TMOD3: variants seen among roughly 807,000 people sequenced by gnomAD.
TMOD3 encodes the protein tropomodulin-3.
Under a neutral mutation model 39.2 loss-of-function variants are expected in TMOD3, and 20 were observed. That is an observed-to-expected ratio of 0.51 (90% confidence interval 0.36 to 0.74). The LOEUF (loss-of-function observed/expected upper bound fraction) is 0.74, where lower values mean the gene tolerates loss of function less well. Among genes scored for constraint, TMOD3 ranks in the 30% least tolerant of loss-of-function variants. The pLI, the probability that TMOD3 is intolerant of heterozygous loss-of-function variation, is 0.00. For missense variants in TMOD3, 381 were observed against 412.8 expected (o/e 0.92, Z 0.67); for synonymous variants, 143 against 145.8 (o/e 0.98, Z 0.14).
At chr15:51,894,555 T>A (rs576109461) in intron 6 of TMOD3, among the ~76,000 whole-genome samples, 17 of 152,318 alleles carry the variant, frequency 1.1e-4, no homozygotes, top group African/African-American at 4.1e-4. Flanking sequence ...AAAAGTTCTC[T>A]CATACCCCTT....
chr15:51,837,159 G>C (rs1316006308), intron 1 of TMOD3, among the ~76,000 whole-genome samples: 12 of 152,082 alleles, frequency 7.9e-5, no homozygotes, highest in Admixed American at 5.2e-4. Context: ...GATATTATTA[G>C]TGATACTTAT....
intron 1 of TMOD3, among the ~76,000 whole-genome samples, chr15:51,858,868 G>A (rs1403520183): frequency 4.6e-5 from 7 of 152,090 alleles, no homozygotes; most frequent in African/African-American, 1.7e-4. Context: ...TCTCTTTCCT[G>A]GAATTAGAGA....
At chr15:51,830,102 C>T (rs946666781) in intron 1 of TMOD3, among the ~76,000 whole-genome samples, 4 of 152,106 alleles carry the variant, frequency 2.6e-5, no homozygotes, top group African/African-American at 7.2e-5. Context: ...ACCCGCGGCC[C>T]GGGCGCCCGG....
chr15:51,906,985 AC>A (rs1166099638), intron 9 of TMOD3, among the ~76,000 whole-genome samples: 1 of 147,080 alleles, frequency 6.8e-6, no homozygotes, highest in Non-Finnish European at 1.5e-5. Context: ...GCGCCATTGC[AC>A]TCCAGCCTGG....
chr15:51,861,963 GAGAC>G (rs1325628948), intron 1 of TMOD3, among the ~76,000 whole-genome samples: 3 of 152,142 alleles, frequency 2.0e-5, no homozygotes, highest in Non-Finnish European at 2.9e-5. Flanking sequence ...TATATTTTAT[GAGAC>G]AGACAGTTCA....
intron 2 of TMOD3, among the ~76,000 whole-genome samples, chr15:51,864,036 C>T (rs999061693): frequency 2.6e-5 from 4 of 151,926 alleles, no homozygotes; most frequent in African/African-American, 7.3e-5. Context: ...GAGGCCGAGG[C>T]GGGTGGATCA....
chr15:51,836,061 C>T (rs2056281281), intron 1 of TMOD3, among the ~76,000 whole-genome samples: 1 of 152,150 alleles, frequency 6.6e-6, no homozygotes, highest in African/African-American at 2.4e-5. Context: ...GACAGGATTA[C>T]CTTTCTGTGG....
intron 2 of TMOD3, among the ~76,000 whole-genome samples, chr15:51,864,079 A>G (rs2056432674): frequency 6.6e-6 from 1 of 152,066 alleles, no homozygotes; most frequent in African/African-American, 2.4e-5. Context: ...CAGCCTGGCC[A>G]ACATAGTGAA....
chr15:51,865,600 A>G (rs947776647), intron 2 of TMOD3, among the ~76,000 whole-genome samples: 1 of 152,216 alleles, frequency 6.6e-6, no homozygotes, highest in African/African-American at 2.4e-5. Flanking sequence ...AACCCCAGTC[A>G]TAATTCCTCT....
chr15:51,865,539 T>G (rs1440856165), intron 2 of TMOD3, among the ~76,000 whole-genome samples: 1 of 152,200 alleles, frequency 6.6e-6, no homozygotes, highest in Admixed American at 6.5e-5. Flanking sequence ...ATGGCCTGCT[T>G]CTTGTGTGGG....
At chr15:51,893,572 T>C (rs1347412693) in intron 5 of TMOD3, among the ~76,000 whole-genome samples, 2 of 152,128 alleles carry the variant, frequency 1.3e-5, no homozygotes, top group South Asian at 4.1e-4. Flanking sequence ...GAGACCATCC[T>C]GGCTAACATG....
chr15:51,862,377 T>C (rs2056423678), intron 1 of TMOD3, among the ~76,000 whole-genome samples: 1 of 152,132 alleles, frequency 6.6e-6, no homozygotes, highest in African/African-American at 2.4e-5. Context: ...TGTATTGCTA[T>C]CCCCCCATAT....
At chr15:51,860,225 AC>A in intron 1 of TMOD3, 2 of 494,008 alleles carry the variant, frequency 4.0e-6, no homozygotes, top group Non-Finnish European at 8.0e-6. Flanking sequence ...CTATTTGTAG[AC>A]CTTTGGCAAA....
At chr15:51,889,183 A>G in intron 5 of TMOD3, 38 bp downstream of exon 5, 1 of 1,380,792 alleles carries the variant, frequency 7.2e-7, no homozygotes, top group East Asian at 2.3e-5. Context: ...CTAATCCTTT[A>G]TTAAATATAT....
chr15:51,848,006 G>A (rs2056344164), intron 1 of TMOD3, among the ~76,000 whole-genome samples: 1 of 152,086 alleles, frequency 6.6e-6, no homozygotes, highest in South Asian at 2.1e-4. Flanking sequence ...CATTATAAAA[G>A]AGGCCCTAGA....
chr15:51,861,328 A>C, intron 1 of TMOD3: 2 of 241,830 alleles, frequency 8.3e-6, no homozygotes, highest in Non-Finnish European at 1.7e-5. Context: ...GGAGCTTCTC[A>C]ACCGCGAACA....
At chr15:51,846,568 G>T (rs1047627324) in intron 1 of TMOD3, among the ~76,000 whole-genome samples, 1 of 152,134 alleles carries the variant, frequency 6.6e-6, no homozygotes, top group Non-Finnish European at 1.5e-5. Flanking sequence ...ACTTCCCTTT[G>T]GGGGAGAGAA....
intron 3 of TMOD3, among the ~76,000 whole-genome samples, chr15:51,879,830 G>A (rs887789898): frequency 7.6e-6 from 1 of 131,550 alleles, no homozygotes; most frequent in South Asian, 2.6e-4. Context: ...GTTTGTTTTG[G>A]CAATCTCTTT....
chr15:51,869,071 C>A, intron 2 of TMOD3, 146 bp from the exon 3 acceptor site: 2 of 755,608 alleles, frequency 2.6e-6, no homozygotes, highest in Non-Finnish European at 2.1e-6. Context: ...AGCAATTGTA[C>A]ATTGCTGTCC....
Sources: allele counts gnomAD v4.1 joint callset (sites outside exome capture counted in the v4.1 genomes callset), GRCh38; gene constraint gnomAD v4.1.1; transcripts MANE v1.5; gene names NCBI Gene and HGNC (gene_info 2026-07-23, HGNC 2026-07-21).